ATRNL1: variants seen among roughly 807,000 people sequenced by gnomAD.
ATRNL1 encodes attractin-like protein 1.
Under a neutral mutation model 182.7 loss-of-function variants are expected in ATRNL1, and 95 were observed. The ratio of observed to expected loss-of-function variants is 0.52; its 90% CI spans 0.44 to 0.62. The LOEUF is 0.62. Among genes scored for constraint, ATRNL1 ranks in the 20% least tolerant of loss-of-function variants. The pLI is 0.00. For synonymous variants in ATRNL1, 576 were observed against 568.3 expected (o/e 1.01, Z -0.19); for missense variants, 1,471 against 1,679.5 (o/e 0.88, Z 2.17).
intron 26 of ATRNL1, among the ~76,000 whole-genome samples, chr10:115,671,149 TC>T (rs1945685944): frequency 6.6e-6 from 1 of 152,122 alleles, no homozygotes; most frequent in Non-Finnish European, 1.5e-5. Flanking sequence ...GCAGAAGTGA[TC>T]CAAGCTAGAG....
intron 28 of ATRNL1, among the ~76,000 whole-genome samples, chr10:115,925,102 G>A (rs1555119702): frequency 6.6e-6 from 1 of 151,988 alleles, no homozygotes; most frequent in Non-Finnish European, 1.5e-5. Context: ...TATTTTGTAT[G>A]CTGAGACTTT....
intron 26 of ATRNL1, among the ~76,000 whole-genome samples, chr10:115,570,344 C>T (rs1854316820): frequency 1.3e-5 from 2 of 152,184 alleles, no homozygotes; most frequent in Admixed American, 1.3e-4. Flanking sequence ...AAAGACCCCA[C>T]CTCCCAACAC....
At chr10:115,724,485 C>G (rs1230089152) in intron 26 of ATRNL1, among the ~76,000 whole-genome samples, 3 of 152,088 alleles carry the variant, frequency 2.0e-5, no homozygotes, top group Non-Finnish European at 4.4e-5. Context: ...AATGTGCCAG[C>G]CTCTGTGTGG....
At chr10:115,094,119 C>T in intron 1 of ATRNL1, 76 bp downstream of exon 1, 2 of 1,260,632 alleles carry the variant, frequency 1.6e-6, no homozygotes, top group Non-Finnish European at 2.0e-6. Flanking sequence ...CCCCTCGCGG[C>T]CTCCCCCGCC....
At chr10:115,217,377 T>G (rs1849275416) in intron 9 of ATRNL1, among the ~76,000 whole-genome samples, 2 of 152,178 alleles carry the variant, frequency 1.3e-5, no homozygotes, top group South Asian at 4.1e-4. Flanking sequence ...TGTGAGCAAC[T>G]GTGCCTGGCC....
intron 21 of ATRNL1, among the ~76,000 whole-genome samples, chr10:115,454,063 C>T (rs1426029747): frequency 6.6e-6 from 1 of 151,798 alleles, no homozygotes; most frequent in Non-Finnish European, 1.5e-5. Flanking sequence ...GTCTTTAATC[C>T]ACTTTGAATT....
chr10:115,661,093 C>T (rs1465716326), intron 26 of ATRNL1, among the ~76,000 whole-genome samples: 3 of 151,756 alleles, frequency 2.0e-5, no homozygotes, highest in East Asian at 1.9e-4. Context: ...TTTTTGTATC[C>T]TCAGCATCTA....
At chr10:115,538,654 C>T (rs1441586131) in intron 25 of ATRNL1, among the ~76,000 whole-genome samples, 3 of 152,110 alleles carry the variant, frequency 2.0e-5, no homozygotes, top group Admixed American at 6.5e-5. Context: ...ATTGTCTTTT[C>T]ATTCTCTTAA....
chr10:115,724,825 G>A (rs1219217141), intron 26 of ATRNL1, among the ~76,000 whole-genome samples: 2 of 152,096 alleles, frequency 1.3e-5, no homozygotes, highest in East Asian at 3.9e-4. Context: ...GAAATTAGTT[G>A]CAAAGATAAT....
At chr10:115,547,565 CAAGAGAAAAG>C (rs1235461249) in intron 25 of ATRNL1, among the ~76,000 whole-genome samples, 28 of 151,556 alleles carry the variant, frequency 1.8e-4, no homozygotes, top group Non-Finnish European at 3.7e-4. Context: ...TCTTTGGGGG[CAAGAGAAAAG>C]AAGAGCACAA....
chr10:115,121,801 A>T lies in ATRNL1; in HGVS notation c.480A>T (p.Ile160=), dbSNP rs1026486978. The change falls in exon 3 of 29, where the codon ATA becomes ATT. Residue 160 remains isoleucine, a synonymous_variant. Transcript: ENST00000355044. ...YDGDSIYAPL[I]AVLSGLIVPE... ...GAGATTCAATATATGCACCTTTAAT[A>T]GCTGTACTTAGGTGAGTAATTATAT... The T allele has an allele frequency of 6.8e-7, 1 of 1,477,086 alleles. No homozygotes were observed. The highest frequency in any genetic ancestry group is 9.3e-7 in the Non-Finnish European group (1 of 1,076,768). The allele number at this position is 1,477,086 out of a possible 1,614,324, so 91.5% of individuals were successfully genotyped here.
chr10:115,635,531 T>C (rs1306100764), intron 26 of ATRNL1, among the ~76,000 whole-genome samples: 1 of 152,200 alleles, frequency 6.6e-6, no homozygotes, highest in East Asian at 1.9e-4. Flanking sequence ...TTCACTACTG[T>C]AGAGTGTAAA....
intron 24 of ATRNL1, among the ~76,000 whole-genome samples, chr10:115,499,043 G>A (rs1392427543): frequency 6.6e-6 from 1 of 152,004 alleles, no homozygotes; most frequent in African/African-American, 2.4e-5. Flanking sequence ...AGCAAAAATT[G>A]CTATTATGAA....
chr10:115,581,499 C>A (rs1462001250), intron 26 of ATRNL1, among the ~76,000 whole-genome samples: 2 of 152,030 alleles, frequency 1.3e-5, no homozygotes, highest in Admixed American at 1.3e-4. Context: ...GAAGTGCACC[C>A]ATTCAAAAAT....
intron 26 of ATRNL1, among the ~76,000 whole-genome samples, chr10:115,582,516 T>C (rs1855184765): frequency 8.0e-6 from 1 of 125,750 alleles, no homozygotes; most frequent in Admixed American, 8.9e-5. Flanking sequence ...CATTTTTTCA[T>C]GTGTTTTTTG....
chr10:115,292,373 G>T (rs1852959961), intron 15 of ATRNL1, among the ~76,000 whole-genome samples: 1 of 150,636 alleles, frequency 6.6e-6, no homozygotes, highest in Non-Finnish European at 1.5e-5. Flanking sequence ...TGATTGCCAT[G>T]ATCTTTATTT....
intron 5 of ATRNL1, among the ~76,000 whole-genome samples, chr10:115,133,744 A>C (rs1018507729): frequency 1.3e-5 from 2 of 152,192 alleles, no homozygotes; most frequent in South Asian, 4.1e-4. Context: ...CAGAAGATAC[A>C]TTCTTCTCAG....
At chr10:115,535,508 T>A (rs1554989933) in intron 25 of ATRNL1, among the ~76,000 whole-genome samples, 1 of 151,288 alleles carries the variant, frequency 6.6e-6, no homozygotes, top group East Asian at 1.9e-4. Flanking sequence ...TATACATTAG[T>A]CTAAATTTTT....
At chr10:115,614,458 C>T (rs1313512149) in intron 26 of ATRNL1, among the ~76,000 whole-genome samples, 1 of 152,128 alleles carries the variant, frequency 6.6e-6, no homozygotes, top group Non-Finnish European at 1.5e-5. Flanking sequence ...ATGTTCCCTC[C>T]TGGAGAACAT....
Sources: gnomAD v4.1 joint callset for allele counts (sites outside exome capture counted in the v4.1 genomes callset) on GRCh38, gnomAD v4.1.1 for gene constraint, MANE v1.5 for transcripts, NCBI Gene and HGNC (gene_info 2026-07-23, HGNC 2026-07-21) for gene names.